CNGB3: variants seen among roughly 807,000 people sequenced by gnomAD.
CNGB3 encodes cyclic nucleotide-gated channel beta-3.
In CNGB3, 86 loss-of-function variants were observed where a neutral mutation model predicts 92.8. The observed-to-expected ratio is 0.93, with a 90% CI of 0.78 to 1.11. The LOEUF (loss-of-function observed/expected upper bound fraction) is 1.11, where lower values mean the gene tolerates loss of function less well. Among genes scored for constraint, CNGB3 ranks in the 50% least tolerant of loss-of-function variants. The pLI is 0.00. For synonymous variants in CNGB3, 333 were observed against 332.7 expected, an observed-to-expected ratio of 1.00 and a Z score of -0.01; for missense variants, 1,026 against 956.8, an observed-to-expected ratio of 1.07 and a Z score of -0.95.
Position 86,702,391 on chromosome 8 carries a change from CAT to C in CNGB3, c.338+24138_338+24139del, listed in dbSNP as rs557073566. On this transcript the variant is annotated intron_variant, in intron 3 of 17. Coordinates refer to ENST00000320005, the MANE Select transcript of CNGB3 (RefSeq NM_019098.5). ...TATATTATTATAGGTAATGAACAAA[CAT>C]ATTTTGTATTAATACAGATACTCCA... is the stretch of plus-strand genomic sequence containing the variant. 9.2e-5 allele frequency among the ~76,000 whole-genome samples: 14 copies of C among 152,246 alleles called. No homozygotes were observed. In the South Asian group the frequency reaches 2.9e-3, roughly 32 times the overall value.
chr8:86,623,808 T>C (rs190282820), intron 13 of CNGB3, among the ~76,000 whole-genome samples: 124 of 152,326 alleles, frequency 8.1e-4, no homozygotes, highest in African/African-American at 2.8e-3. Context: ...GCCTAAATCC[T>C]TGGAGTCATT....
chr8:86,719,828 C>T (rs1824932585), intron 3 of CNGB3, among the ~76,000 whole-genome samples: 1 of 151,924 alleles, frequency 6.6e-6, no homozygotes, highest in Admixed American at 6.6e-5. Flanking sequence ...AATAGAGAAC[C>T]CAGAAATAAA....
In CNGB3 at chr8:86,654,306, C is replaced by T. The variant is rs1325547675; in HGVS notation, c.853-244G>A. ...CCTACCTGCTTTACTCTATATCCTT[C>T]CCTCACATTCATCCTTAACTCATGG... is the stretch of plus-strand genomic sequence containing the variant. On this transcript the variant is annotated intron_variant, in intron 6 of 17. Transcript: ENST00000320005. Among the ~76,000 whole-genome samples, 3 of 152,106 alleles carry T rather than the reference C, an allele frequency of 2.0e-5. No individual in the cohort carries two copies. The East Asian group carries it at 5.8e-4, about 29-fold the overall frequency.
intron 2 of CNGB3, among the ~76,000 whole-genome samples, chr8:86,736,330 C>G (rs1383265241): frequency 1.3e-5 from 2 of 152,162 alleles, no homozygotes; most frequent in Admixed American, 6.5e-5. Flanking sequence ...CATGCCAAGT[C>G]TGCAGATTTA....
In CNGB3 at chr8:86,659,537, C is replaced by T. The variant is rs140685238; in HGVS notation, c.853-5475G>A. On this transcript the variant is annotated intron_variant, in intron 6 of 17. Coordinates refer to ENST00000320005, the MANE Select transcript of CNGB3 (RefSeq NM_019098.5). ...AACTCCAGCCTGAGGGCATCTCTCT[C>T]CTTGGTTAACTCTTTGTTGTATTTG... The T allele has an allele frequency of 1.4e-4, 84 of 590,576 alleles. 2 individuals carry two copies. The Middle Eastern group carries it at 1.7e-3, about 12-fold the overall frequency. 36.6% of individuals were successfully genotyped at this position (590,576 alleles called of 1,614,324 possible). A position where few individuals can be genotyped will look rare whatever the true frequency, so the allele number is the denominator to read the frequency against.
chr8:86,657,849 T>G (rs1823544406), intron 6 of CNGB3: 3 of 530,566 alleles, frequency 5.7e-6, no homozygotes, highest in Non-Finnish European at 1.1e-5. Flanking sequence ...CCTCTAGCTC[T>G]GGTACAGTGT....
intron 6 of CNGB3, chr8:86,659,483 C>A (rs1585998833): frequency 1.6e-6 from 1 of 610,644 alleles, no homozygotes; most frequent in East Asian, 2.9e-5. Context: ...TCTTCTAATT[C>A]TGAGTTCTGT....
intron 2 of CNGB3, among the ~76,000 whole-genome samples, chr8:86,728,517 C>T (rs907638035): frequency 1.3e-5 from 2 of 152,210 alleles, no homozygotes; most frequent in African/African-American, 4.8e-5. Flanking sequence ...TGACAAATTT[C>T]CATTTTGTAT....
chr8:86,665,854 A>G (rs1419576153), intron 6 of CNGB3, among the ~76,000 whole-genome samples: 1 of 152,186 alleles, frequency 6.6e-6, no homozygotes, highest in African/African-American at 2.4e-5. Context: ...CAAGATACCC[A>G]GGTAACAAAC....
At position 86,575,893 on chromosome 8, in the gene CNGB3, G is replaced by A. The variant is rs775381466; in HGVS notation, c.2341C>T (p.Arg781Cys). ...GCCATGCTGATAATGAGTGATTGAC[G>A]AGAAGTCCCTCTGGGTAAAACTGTC... The part of the protein sequence containing the change: ...RRTVLPRGTS[R>C]QSLIISMAPS... The change falls in exon 18 of 18, where the codon CGT (arginine) becomes TGT (cysteine). Residue 781 changes from arginine to cysteine, a missense_variant. Transcript: ENST00000320005. The A allele has an allele frequency of 1.1e-5, 18 of 1,613,258 alleles. 1 individual carries two copies. In the South Asian group the frequency reaches 1.3e-4, roughly 12 times the overall value.
intron 10 of CNGB3, among the ~76,000 whole-genome samples, chr8:86,633,143 A>G (rs1822995157): frequency 6.6e-6 from 1 of 152,184 alleles, no homozygotes; most frequent in South Asian, 2.1e-4. Flanking sequence ...AATAACCACC[A>G]TTTTTATTAG....
intron 3 of CNGB3, chr8:86,707,581 G>A (rs1824673569): frequency 6.6e-6 from 1 of 152,590 alleles, no homozygotes; most frequent in African/African-American, 2.4e-5. Flanking sequence ...GTTGAAGGCA[G>A]ATAATATGGG....
intron 3 of CNGB3, among the ~76,000 whole-genome samples, chr8:86,673,316 A>G (rs1823901409): frequency 1.3e-5 from 2 of 152,200 alleles, no homozygotes; most frequent in Non-Finnish European, 2.9e-5. Context: ...TGACAGATAA[A>G]TGATAGACTG....
intron 3 of CNGB3, among the ~76,000 whole-genome samples, chr8:86,720,283 A>T (rs964334585): frequency 3.9e-5 from 6 of 152,168 alleles, no homozygotes; most frequent in African/African-American, 1.4e-4. Context: ...TCTGCAAGGA[A>T]CTCAAACACA....
chr8:86,739,353 TC>T (rs1384296058), intron 2 of CNGB3, among the ~76,000 whole-genome samples: 1 of 152,238 alleles, frequency 6.6e-6, no homozygotes, highest in African/African-American at 2.4e-5. Flanking sequence ...ATGATGTGTT[TC>T]TTTAGACTAC....
At chr8:86,706,457 G>A (rs1824654000) in intron 3 of CNGB3, among the ~76,000 whole-genome samples, 1 of 152,208 alleles carries the variant, frequency 6.6e-6, no homozygotes, top group African/African-American at 2.4e-5. Context: ...TGTGAGAAAA[G>A]CACTGTATTG....
At chr8:86,634,337 T>C (rs1823022502) in intron 10 of CNGB3, among the ~76,000 whole-genome samples, 1 of 152,182 alleles carries the variant, frequency 6.6e-6, no homozygotes, top group Admixed American at 6.5e-5. Flanking sequence ...ACTAACATAA[T>C]TGTTCTGTGC....
At chr8:86,718,502 G>T (rs1414138542) in intron 3 of CNGB3, among the ~76,000 whole-genome samples, 1 of 151,972 alleles carries the variant, frequency 6.6e-6, no homozygotes. Flanking sequence ...CCAATAACAA[G>T]CAGTGAGTTT....
At chr8:86,691,238 T>C (rs1824305615) in intron 3 of CNGB3, among the ~76,000 whole-genome samples, 1 of 152,140 alleles carries the variant, frequency 6.6e-6, no homozygotes, top group Non-Finnish European at 1.5e-5. Context: ...TCTGAAACTT[T>C]ACTGAATTCA....
Sources: gnomAD v4.1 joint callset for allele counts (sites outside exome capture counted in the v4.1 genomes callset) on GRCh38, gnomAD v4.1.1 for gene constraint, MANE v1.5 for transcripts, NCBI Gene and HGNC (gene_info 2026-07-23, HGNC 2026-07-21) for gene names.